Variants in MGST3 observed in about 807,000 individuals in gnomAD.
The protein encoded by MGST3 is glutathione S-transferase 3, mitochondrial.
MGST3 carries 13 observed loss-of-function variants against 15.8 expected under a neutral mutation model. The observed-to-expected ratio is 0.82, with a 90% confidence interval of 0.54 to 1.31. MGST3 has a LOEUF of 1.31. MGST3 is among the 50% of genes most tolerant of loss of function. The pLI, the probability that MGST3 is intolerant of heterozygous loss-of-function variation, is 0.00. For synonymous variants in MGST3, 49 were observed against 68.1 expected (o/e 0.72, Z 1.38); for missense variants, 155 against 192.4 (o/e 0.81, Z 1.15).
At chr1:165,650,181 C>T in intron 2 of MGST3, 1 of 618,294 alleles carries the variant, frequency 1.6e-6, no homozygotes, top group Non-Finnish European at 2.8e-6. Context: ...TTGACTTTGT[C>T]TCTTCGGTAG....
In MGST3 at chr1:165,649,635, G is replaced by A. The variant is rs1648500413; in HGVS notation, c.-7-206G>A. On this transcript the variant is annotated intron_variant, in intron 1 of 5. Transcript: ENST00000367889. ...GATACATGACTGTATACTTTTCTGT[G>A]TATAGACTGCATAGTTGAGTAATTT... The A allele has an allele frequency of 1.0e-5, 6 of 582,226 alleles. No homozygotes were observed. In the South Asian group the frequency reaches 1.2e-4, roughly 12 times the overall value. 36.1% of individuals were successfully genotyped at this position (582,226 alleles called of 1,614,324 possible). A position where few individuals can be genotyped will look rare whatever the true frequency, so the allele number is the denominator to read the frequency against.
At chr1:165,634,335 G>A (rs1176264825) in intron 1 of MGST3, among the ~76,000 whole-genome samples, 1 of 152,066 alleles carries the variant, frequency 6.6e-6, no homozygotes, top group Non-Finnish European at 1.5e-5. Flanking sequence ...CTGGTACTGC[G>A]TTTCTTCATC....
intron 1 of MGST3, among the ~76,000 whole-genome samples, chr1:165,634,657 C>T (rs1538114): frequency 0.89 from 134,697 of 151,634 alleles, 59,956 homozygotes; most frequent in East Asian, 1. Context: ...GTCGCAATGT[C>T]ACCCTTATGT....
chr1:165,650,145 C>T, intron 2 of MGST3, 181 bp downstream of exon 2: 1 of 782,736 alleles, frequency 1.3e-6, no homozygotes, highest in Non-Finnish European at 2.0e-6. Context: ...ATACAGGGCC[C>T]TGCTAGGGAG....
At chr1:165,643,724 C>T (rs747855691) in intron 1 of MGST3, among the ~76,000 whole-genome samples, 26 of 151,726 alleles carry the variant, frequency 1.7e-4, no homozygotes, top group Non-Finnish European at 2.5e-4. Context: ...AAAAATTAGC[C>T]GGGTGTTGTG....
intron 1 of MGST3, among the ~76,000 whole-genome samples, chr1:165,633,905 C>G (rs1338276984): frequency 6.6e-6 from 1 of 152,132 alleles, no homozygotes; most frequent in Non-Finnish European, 1.5e-5. Context: ...CCTTGCAAAC[C>G]TATATGCCTG....
intron 1 of MGST3, among the ~76,000 whole-genome samples, chr1:165,641,594 G>A (rs1471762646): frequency 2.0e-5 from 3 of 152,124 alleles, no homozygotes; most frequent in Admixed American, 1.3e-4. Flanking sequence ...CTTCATATTT[G>A]GACCAACATT....
intron 1 of MGST3, among the ~76,000 whole-genome samples, chr1:165,643,740 C>A (rs34340940): frequency 6.6e-6 from 1 of 151,284 alleles, no homozygotes; most frequent in African/African-American, 2.4e-5. Context: ...TTGTGGCGGG[C>A]GCCTGTGATC....
intron 1 of MGST3, chr1:165,637,227 A>G (rs534125354): frequency 6.6e-6 from 1 of 152,326 alleles, no homozygotes; most frequent in South Asian, 2.1e-4. Context: ...GAGAAATTGC[A>G]GTACAATTTG....
At chr1:165,637,864 A>C (rs564401378) in intron 1 of MGST3, among the ~76,000 whole-genome samples, 8 of 152,270 alleles carry the variant, frequency 5.3e-5, no homozygotes, top group Admixed American at 2.6e-4. Context: ...AAACTTTGCA[A>C]ATGTGTGTGT....
At chr1:165,647,726 CT>C (rs10603252) in intron 1 of MGST3, 46,996 of 146,950 alleles carry the variant, frequency 0.32, 9,340 homozygotes, top group East Asian at 0.8. Flanking sequence ...TGAGAGACAC[CT>C]TTTTTTTTTT....
At chr1:165,635,550 T>C (rs1358882276) in intron 1 of MGST3, among the ~76,000 whole-genome samples, 1 of 152,116 alleles carries the variant, frequency 6.6e-6, no homozygotes, top group Non-Finnish European at 1.5e-5. Flanking sequence ...TGATCTTCCC[T>C]CCCCCACTCC....
chr1:165,651,497 C>T (rs1648554442), intron 3 of MGST3: 2 of 333,568 alleles, frequency 6.0e-6, no homozygotes, highest in South Asian at 5.4e-5. Context: ...TCCAAGTGAC[C>T]TCTAATCCCA....
intron 1 of MGST3, among the ~76,000 whole-genome samples, chr1:165,642,952 T>C (rs576336271): frequency 1.3e-5 from 2 of 152,352 alleles, no homozygotes; most frequent in African/African-American, 4.8e-5. Context: ...TTCCTCTGTC[T>C]TCTCAATGAA....
At chr1:165,631,948 C>A in intron 1 of MGST3, 1 of 377,336 alleles carries the variant, frequency 2.7e-6, no homozygotes, top group East Asian at 4.1e-5. Context: ...CAGGTTCTTC[C>A]TTGGATTTCA....
At chr1:165,635,446 T>A (rs1648082764) in intron 1 of MGST3, among the ~76,000 whole-genome samples, 1 of 152,242 alleles carries the variant, frequency 6.6e-6, no homozygotes, top group Non-Finnish European at 1.5e-5. Flanking sequence ...GGTAATTTGC[T>A]TATTTGGCTT....
chr1:165,649,543 T>A (rs1648498278), intron 1 of MGST3: 1 of 343,254 alleles, frequency 2.9e-6, no homozygotes, highest in Non-Finnish European at 5.5e-6. Context: ...CAGCAACGAC[T>A]ACTGCAGTGG....
chr1:165,643,778 GAATT>G (rs1648321156), intron 1 of MGST3, among the ~76,000 whole-genome samples: 1 of 152,068 alleles, frequency 6.6e-6, no homozygotes, highest in African/African-American at 2.4e-5. Flanking sequence ...TGAGGCATGA[GAATT>G]GATTGAATCT....
intron 3 of MGST3, chr1:165,651,554 C>T (rs145881919): frequency 1.6e-4 from 48 of 301,292 alleles, no homozygotes; most frequent in African/African-American, 8.5e-4. Flanking sequence ...CTTCTCCCTG[C>T]GGTGAATGTT....
Sources: gnomAD v4.1 joint callset for allele counts (sites outside exome capture counted in the v4.1 genomes callset) on GRCh38, gnomAD v4.1.1 for gene constraint, MANE v1.5 for transcripts, NCBI Gene and HGNC (gene_info 2026-07-23, HGNC 2026-07-21) for gene names.